Variants in KIRREL3 observed in about 807,000 individuals in gnomAD.
KIRREL3 encodes the protein kin of IRRE-like protein 3.
Under a neutral mutation model 89.7 loss-of-function variants are expected in KIRREL3, and 36 were observed. That is an observed-to-expected ratio of 0.40 (90% CI 0.31 to 0.53). The LOEUF (loss-of-function observed/expected upper bound fraction) is 0.53. KIRREL3 is among the 20% of genes least tolerant of loss of function. The pLI, the probability that KIRREL3 is intolerant of heterozygous loss-of-function variation, is 0.49. For missense variants in KIRREL3, 864 were observed against 1,056.6 expected, an observed-to-expected ratio of 0.82 and a Z score of 2.53; for synonymous variants, 445 against 441.4, an observed-to-expected ratio of 1.01 and a Z score of -0.10.
At chr11:126,426,935 G>C (rs566512533) in intron 15 of KIRREL3, among the ~76,000 whole-genome samples, 1 of 152,298 alleles carries the variant, frequency 6.6e-6, no homozygotes, top group Non-Finnish European at 1.5e-5. Flanking sequence ...TTGCAGATGG[G>C]GCTGTCTTGG....
At chr11:126,604,022 C>T (rs1485333052) in intron 1 of KIRREL3, among the ~76,000 whole-genome samples, 1 of 152,214 alleles carries the variant, frequency 6.6e-6, no homozygotes, top group Non-Finnish European at 1.5e-5. Context: ...ATTCACTTTT[C>T]AGTTGACTTC....
rs1946528553 is a variant in KIRREL3, at chr11:126,683,016, G to C, written c.56-120104C>G. On this transcript the variant is annotated intron_variant, in intron 1 of 16. Transcript: ENST00000525144. This position sits in a 1 kb window ranked among gnomAD's most constrained non-coding sequence, Gnocchi z 5.2. ...ACTTCAGGCATGCACTACTATGCCTGGGTAACTTTTTTGATTTTTATTAGA... is the reference window on the plus strand; with the variant it reads ...ACTTCAGGCATGCACTACTATGCCTCGGTAACTTTTTTGATTTTTATTAGA... Among the ~76,000 whole-genome samples the C allele has an allele frequency of 6.6e-6, 1 of 152,068 alleles. No individual in the cohort carries two copies. The highest frequency in any genetic ancestry group is 6.5e-5 in the Admixed American group (1 of 15,276).
intron 1 of KIRREL3, among the ~76,000 whole-genome samples, chr11:126,824,512 T>C (rs1540245): frequency 0.86 from 131,096 of 151,890 alleles, 56,924 homozygotes; most frequent in East Asian, 1. Context: ...TATTTAAGGA[T>C]GCATGCCCAG....
Position 126,773,945 on chromosome 11 carries a change from T to C in KIRREL3, c.56-211033A>G, listed in dbSNP as rs940068526. ...GTCCACTCTTAACTCTTTTTTACTA[T>C]TGAATATCTTATCAAATAGGAACAA... On this transcript the variant is annotated intron_variant, in intron 1 of 16. Coordinates refer to ENST00000525144, the MANE Select transcript of KIRREL3 (RefSeq NM_032531.4). The surrounding 1 kb of genome is among the most constrained non-coding windows in gnomAD (Gnocchi z 4.2). 6.6e-6 allele frequency among the ~76,000 whole-genome samples: 1 copy of C among 152,154 alleles called. No homozygotes were observed. Among genetic ancestry groups the C allele is most frequent in the African/African-American group, 2.4e-5 (1 of 41,432 alleles).
Position 126,427,482 on chromosome 11 carries a change from G to A in KIRREL3, c.1806+1697C>T, listed in dbSNP as rs1005272448. Among the ~76,000 whole-genome samples, 8 of 152,184 alleles carry A rather than the reference G, an allele frequency of 5.3e-5. No individual in the cohort carries two copies. Among genetic ancestry groups the A allele is most frequent in the Non-Finnish European group, 1.0e-4 (7 of 68,032 alleles). The stretch of plus-strand genomic sequence containing the variant: ...GAACATCTTGGAGTTGATTGTTATG[G>A]GAGAATGTGAGATTCAACAGACAAA... On this transcript the variant is annotated intron_variant, in intron 15 of 16. Transcript: ENST00000525144. This position sits in a 1 kb window ranked among gnomAD's most constrained non-coding sequence, Gnocchi z 5.3.
Position 126,571,340 on chromosome 11 carries a change from AC to A in KIRREL3, c.56-8429del, listed in dbSNP as rs1370470451. ...TGGGGCACTTGGCCATCAACATGGG[AC>A]CCAAGGTTGGCAGAGCTCACCCCAC... On this transcript the variant is annotated intron_variant, in intron 1 of 16. Coordinates refer to ENST00000525144, the MANE Select transcript of KIRREL3 (RefSeq NM_032531.4). This position sits in a 1 kb window ranked among gnomAD's most constrained non-coding sequence, Gnocchi z 7.7. Among the ~76,000 whole-genome samples the A allele has an allele frequency of 6.6e-6, 1 of 152,114 alleles. No individual in the cohort carries two copies. The highest frequency in any genetic ancestry group is 1.5e-5 in the Non-Finnish European group (1 of 68,018).
intron 5 of KIRREL3, among the ~76,000 whole-genome samples, chr11:126,467,838 G>A (rs1956775372): frequency 6.6e-6 from 1 of 152,178 alleles, no homozygotes; most frequent in Non-Finnish European, 1.5e-5. Flanking sequence ...ATGAGCCTCG[G>A]CCACACCCAG....
chr11:126,500,450 C>T (rs1195671996), intron 4 of KIRREL3, among the ~76,000 whole-genome samples: 1 of 152,154 alleles, frequency 6.6e-6, no homozygotes, highest in African/African-American at 2.4e-5. Flanking sequence ...AGTTGAAAAA[C>T]AGGATGTGGC....
At chr11:126,735,661 ACT>A (rs916229457) in intron 1 of KIRREL3, among the ~76,000 whole-genome samples, 2 of 152,246 alleles carry the variant, frequency 1.3e-5, no homozygotes, top group African/African-American at 2.4e-5. Context: ...AAAACCTGTA[ACT>A]CTGGTTTAGG....
At chr11:126,925,309 AG>A (rs1172525834) in intron 1 of KIRREL3, among the ~76,000 whole-genome samples, 6 of 152,204 alleles carry the variant, frequency 3.9e-5, no homozygotes, top group African/African-American at 1.2e-4. Flanking sequence ...CGCATGAGGC[AG>A]CCTGGTGGCA....
At chr11:126,654,696 C>A (rs1221215012) in intron 1 of KIRREL3, among the ~76,000 whole-genome samples, 1 of 152,172 alleles carries the variant, frequency 6.6e-6, no homozygotes, top group African/African-American at 2.4e-5. Context: ...AACCACACAG[C>A]CGACATCGTG....
At position 126,793,076 on chromosome 11, in the gene KIRREL3, A is replaced by C. The variant is rs747115777; in HGVS notation, c.55+207379T>G. On this transcript the variant is annotated intron_variant, in intron 1 of 16. Transcript: ENST00000525144. ...ATAAAATTAAAGTGTTCACTATCTCACATGTGTTAACTTTTACCTTTTTAG... is the reference window on the plus strand; with the variant it reads ...ATAAAATTAAAGTGTTCACTATCTCCCATGTGTTAACTTTTACCTTTTTAG... Among the ~76,000 whole-genome samples, 169 of 152,200 alleles carry C rather than the reference A, an allele frequency of 1.1e-3. 1 individual carries two copies. Among genetic ancestry groups the C allele is most frequent in the Non-Finnish European group, 1.8e-3 (124 of 68,020 alleles).
intron 1 of KIRREL3, among the ~76,000 whole-genome samples, chr11:126,700,805 TA>T (rs1947285416): frequency 6.6e-6 from 1 of 152,170 alleles, no homozygotes; most frequent in African/African-American, 2.4e-5. Context: ...GATGGGCAAA[TA>T]TCTCTCTGAG....
rs149992690 is a variant in KIRREL3, at chr11:126,605,942, C to A, written c.56-43030G>T. On this transcript the variant is annotated intron_variant, in intron 1 of 16. Coordinates refer to ENST00000525144, the MANE Select transcript of KIRREL3 (RefSeq NM_032531.4). The surrounding 1 kb of genome is among the most constrained non-coding windows in gnomAD (Gnocchi z 5.7). The stretch of plus-strand genomic sequence containing the variant: ...TTCATTCTCTGCCTCAGGGAAGTGA[C>A]ACACAGAATGGCCCCTTTGGCAGGG... Among the ~76,000 whole-genome samples the A allele has an allele frequency of 2.5e-4, 38 of 152,334 alleles. No homozygotes were observed. In the South Asian group the frequency reaches 4.8e-3, roughly 19 times the overall value.
chr11:126,529,132 C>T (rs185853835), intron 2 of KIRREL3, among the ~76,000 whole-genome samples: 61 of 152,252 alleles, frequency 4.0e-4, no homozygotes, highest in African/African-American at 1.3e-3. Flanking sequence ...GTCCCGGTCT[C>T]TCCCCGTCCT....
At chr11:126,500,172 A>AC (rs1394282899) in intron 4 of KIRREL3, among the ~76,000 whole-genome samples, 1 of 152,200 alleles carries the variant, frequency 6.6e-6, no homozygotes, top group Non-Finnish European at 1.5e-5. Context: ...TCGGAGTACG[A>AC]TTAGGTGGAA....
Position 126,523,288 on chromosome 11 carries a change from G to A in KIRREL3, c.284-1824C>T, listed in dbSNP as rs776233134. ...CCGGGTGAAAGATCAGACTAGAGGA[G>A]CTTGAAGGCCCCTCTCACCACCATA... is the stretch of plus-strand genomic sequence containing the variant. On this transcript the variant is annotated intron_variant, in intron 3 of 16. Transcript: ENST00000525144. The surrounding 1 kb of genome is among the most constrained non-coding windows in gnomAD (Gnocchi z 4.9). Among the ~76,000 whole-genome samples, 1 of 152,160 alleles carries A rather than the reference G, an allele frequency of 6.6e-6. No individual in the cohort carries two copies.
chr11:126,712,740 A>G (rs1947812765), intron 1 of KIRREL3, among the ~76,000 whole-genome samples: 1 of 152,204 alleles, frequency 6.6e-6, no homozygotes, highest in Non-Finnish European at 1.5e-5. Context: ...AGCTACCAGC[A>G]GAGAAAAGTA....
At chr11:126,637,230 T>C (rs575879790) in intron 1 of KIRREL3, among the ~76,000 whole-genome samples, 24 of 152,348 alleles carry the variant, frequency 1.6e-4, no homozygotes, top group African/African-American at 5.8e-4. Context: ...ATGCTGAGTT[T>C]TGATTTCCAT....
Sources: allele counts gnomAD v4.1 joint callset (sites outside exome capture counted in the v4.1 genomes callset), GRCh38; gene constraint gnomAD v4.1.1; non-coding constraint Gnocchi (gnomAD v3.1); transcripts MANE v1.5; gene names NCBI Gene and HGNC (gene_info 2026-07-23, HGNC 2026-07-21).